Variants in ARB2A observed in about 807,000 individuals in gnomAD.
ARB2A encodes the protein cotranscriptional regulator ARB2A.
chr5:93,960,648 A>T, the ARB2A span, among the ~76,000 whole-genome samples: 2 of 152,208 alleles, frequency 1.3e-5, no homozygotes, highest in Non-Finnish European at 2.9e-5. Flanking sequence ...CTTTAGATAA[A>T]AGACATTTAA....
the ARB2A span, among the ~76,000 whole-genome samples, chr5:93,695,896 G>T: frequency 6.6e-6 from 1 of 152,158 alleles, no homozygotes; most frequent in African/African-American, 2.4e-5. Flanking sequence ...GGACATGGAT[G>T]ATGCTGAAAA....
At chr5:93,830,301 G>GTGTGTGTGTA in the ARB2A span, among the ~76,000 whole-genome samples, 1 of 15,170 alleles carries the variant, frequency 6.6e-5, no homozygotes, top group Admixed American at 7.1e-4. Context: ...GTATATATAT[G>GTGTGTGTGTA]TGTGTGTGTG....
the ARB2A span, among the ~76,000 whole-genome samples, chr5:93,853,131 A>C: frequency 1.8e-4 from 28 of 151,916 alleles, no homozygotes; most frequent in Admixed American, 1.1e-3. Flanking sequence ...CTTTTATTTC[A>C]TTGAGCAGTG....
At chr5:94,050,548 G>C in the ARB2A span, among the ~76,000 whole-genome samples, 5 of 151,550 alleles carry the variant, frequency 3.3e-5, no homozygotes, top group Non-Finnish European at 7.4e-5. Flanking sequence ...CCACTGAACA[G>C]GAACTTTTAA....
the ARB2A span, among the ~76,000 whole-genome samples, chr5:93,973,568 C>T: frequency 1.3e-5 from 2 of 152,060 alleles, no homozygotes; most frequent in African/African-American, 4.8e-5. Flanking sequence ...ATCCAGAGAA[C>T]TCCTGCAAGA....
the ARB2A span, among the ~76,000 whole-genome samples, chr5:94,022,606 A>G: frequency 2.6e-5 from 4 of 152,178 alleles, no homozygotes; most frequent in African/African-American, 7.2e-5. Flanking sequence ...AAATAATACT[A>G]TACTAATTTG....
At chr5:93,827,649 T>C in the ARB2A span, among the ~76,000 whole-genome samples, 1 of 151,996 alleles carries the variant, frequency 6.6e-6, no homozygotes, top group Non-Finnish European at 1.5e-5. Flanking sequence ...GCTTTTGGTG[T>C]TTTAGACATG....
At chr5:93,938,929 A>T in the ARB2A span, among the ~76,000 whole-genome samples, 1 of 152,232 alleles carries the variant, frequency 6.6e-6, no homozygotes, top group Non-Finnish European at 1.5e-5. Flanking sequence ...TTGTGCCTGA[A>T]AAGTTTAATG....
chr5:93,658,958 G>A, the ARB2A span, among the ~76,000 whole-genome samples: 5 of 151,244 alleles, frequency 3.3e-5, no homozygotes, highest in East Asian at 9.7e-4. Flanking sequence ...TAGTACGTGG[G>A]GGTGGGGGTG....
At chr5:93,985,671 C>T in the ARB2A span, among the ~76,000 whole-genome samples, 5 of 152,282 alleles carry the variant, frequency 3.3e-5, no homozygotes, top group East Asian at 7.7e-4. Context: ...GTGATCTGCC[C>T]GCCTCGGCCT....
chr5:93,687,980 T>TC, the ARB2A span, among the ~76,000 whole-genome samples: 1 of 152,012 alleles, frequency 6.6e-6, no homozygotes, highest in African/African-American at 2.4e-5. Context: ...CTATTCTTTT[T>TC]TTTTTTTCTT....
At chr5:93,971,214 G>C in the ARB2A span, among the ~76,000 whole-genome samples, 1 of 152,064 alleles carries the variant, frequency 6.6e-6, no homozygotes, top group South Asian at 2.1e-4. Context: ...TAGCCAGGAT[G>C]GTCTCGATCT....
the ARB2A span, among the ~76,000 whole-genome samples, chr5:94,016,826 T>C: frequency 6.6e-6 from 1 of 152,162 alleles, no homozygotes; most frequent in African/African-American, 2.4e-5. Flanking sequence ...ACAAGTCAGG[T>C]AGGGATTGGG....
the ARB2A span, among the ~76,000 whole-genome samples, chr5:93,652,048 A>G: frequency 6.6e-6 from 1 of 152,206 alleles, no homozygotes; most frequent in African/African-American, 2.4e-5. Flanking sequence ...GGACAAAGAG[A>G]AAATAAATAG....
chr5:93,966,772 A>G, the ARB2A span, among the ~76,000 whole-genome samples: 1 of 152,192 alleles, frequency 6.6e-6, no homozygotes, highest in Non-Finnish European at 1.5e-5. Flanking sequence ...AGGTATGGCA[A>G]AGTGTCTCAC....
the ARB2A span, among the ~76,000 whole-genome samples, chr5:93,789,628 T>C: frequency 1.3e-5 from 2 of 152,212 alleles, no homozygotes; most frequent in Non-Finnish European, 2.9e-5. Context: ...CTGCATATTC[T>C]CCATTTCATG....
chr5:93,642,692 A>T, the ARB2A span, among the ~76,000 whole-genome samples: 142 of 151,434 alleles, frequency 9.4e-4, no homozygotes, highest in Non-Finnish European at 1.4e-3. Flanking sequence ...ATTAAAAAAA[A>T]TTTTTTTTTG....
At chr5:93,940,650 A>G in the ARB2A span, among the ~76,000 whole-genome samples, 1 of 152,062 alleles carries the variant, frequency 6.6e-6, no homozygotes, top group Admixed American at 6.6e-5. Flanking sequence ...AGCAATTCCT[A>G]TGGACGCTAT....
chr5:94,036,411 T>C, the ARB2A span, among the ~76,000 whole-genome samples: 1 of 152,210 alleles, frequency 6.6e-6, no homozygotes, highest in African/African-American at 2.4e-5. Context: ...TTATTTCCTT[T>C]CCTTTCTCAT....
Sources: allele counts gnomAD v4.1 joint callset (sites outside exome capture counted in the v4.1 genomes callset), GRCh38; gene constraint gnomAD v4.1.1; transcripts MANE v1.5; gene names NCBI Gene and HGNC (gene_info 2026-07-23, HGNC 2026-07-21).